The following TMEM272 variants were observed in gnomAD, a reference collection of about 807,000 sequenced individuals.
TMEM272 encodes transmembrane protein 272.
In TMEM272, 8 loss-of-function variants were observed where a neutral mutation model predicts 3.7. The observed-to-expected ratio is 2.17, with a 90% confidence interval of 1.27 to 3.91. The LOEUF is 3.91. TMEM272 is among the 30% of genes most tolerant of loss of function. The probability of loss-of-function intolerance (pLI) is 0.00; values close to 1 mark genes in which losing one functional copy is unlikely to be tolerated. For missense variants in TMEM272, 166 were observed against 91.5 expected, an observed-to-expected ratio of 1.81 and a Z score of -3.32; for synonymous variants, 63 against 39.8, an observed-to-expected ratio of 1.58 and a Z score of -2.20.
chr13:51,851,397 G>GGAA, the TMEM272 span, among the ~76,000 whole-genome samples: 30 of 141,568 alleles, frequency 2.1e-4, no homozygotes, highest in East Asian at 4.0e-4. Flanking sequence ...AGGAGGAGGA[G>GGAA]GAAGAAGAAG....
the TMEM272 span, among the ~76,000 whole-genome samples, chr13:51,900,305 C>T: frequency 1.3e-5 from 2 of 152,068 alleles, no homozygotes; most frequent in African/African-American, 4.8e-5. Flanking sequence ...AAAAGGACAA[C>T]CCAATTTAAA....
rs574905629 is a variant in TMEM272 at position 51,823,860 on chromosome 13, C to T, written c.119-1723G>A. On this transcript the variant is annotated intron_variant, in intron 3 of 4. Coordinates refer to ENST00000629372, the MANE Select transcript of TMEM272 (RefSeq NM_001351003.2). The stretch of plus-strand genomic sequence containing the variant: ...TACAGAGAGCCATAAATTCAGGGCC[C>T]AAAACAGAGTTTAGTCAAATATACA... Among the ~76,000 whole-genome samples, 19 of 152,246 alleles carry T rather than the reference C, an allele frequency of 1.2e-4. No homozygotes were observed. The South Asian group carries it at 3.7e-3, about 30-fold the overall frequency.
At chr13:51,819,046 G>A (rs1422345686) in intron 4 of TMEM272, among the ~76,000 whole-genome samples, 1 of 152,172 alleles carries the variant, frequency 6.6e-6, no homozygotes, top group Non-Finnish European at 1.5e-5. Flanking sequence ...GCCCGGCTGG[G>A]AGGCAGAACA....
At chr13:51,888,046 CTTT>C in the TMEM272 span, among the ~76,000 whole-genome samples, 183 of 141,760 alleles carry the variant, frequency 1.3e-3, no homozygotes, top group Non-Finnish European at 1.3e-3. Flanking sequence ...TTGACACAAT[CTTT>C]TTTTTTTTTT....
the TMEM272 span, among the ~76,000 whole-genome samples, chr13:51,928,018 C>T: frequency 1.8e-3 from 269 of 152,232 alleles, no homozygotes; most frequent in African/African-American, 6.1e-3. Flanking sequence ...TATTAACCTC[C>T]CCTACATTCC....
chr13:51,919,006 C>G, the TMEM272 span, among the ~76,000 whole-genome samples: 4 of 151,976 alleles, frequency 2.6e-5, no homozygotes, highest in Admixed American at 6.6e-5. Context: ...TCTCCTGGCT[C>G]TGCTCCTTTC....
chr13:51,863,173 G>C, the TMEM272 span, among the ~76,000 whole-genome samples: 6 of 152,246 alleles, frequency 3.9e-5, no homozygotes, highest in African/African-American at 1.4e-4. Flanking sequence ...AGTGCCAAGA[G>C]CTGAATAGAG....
chr13:51,927,229 A>T, the TMEM272 span, among the ~76,000 whole-genome samples: 1 of 152,206 alleles, frequency 6.6e-6, no homozygotes, highest in Admixed American at 6.5e-5. Context: ...AAATAAATAA[A>T]TAGACGATCC....
the TMEM272 span, among the ~76,000 whole-genome samples, chr13:51,870,746 CCT>C: frequency 6.6e-6 from 1 of 152,176 alleles, no homozygotes; most frequent in African/African-American, 2.4e-5. Flanking sequence ...GAGCCACCTC[CCT>C]CTCACCAAGG....
chr13:51,828,406 C>T (rs981356552), intron 2 of TMEM272, among the ~76,000 whole-genome samples: 4 of 152,208 alleles, frequency 2.6e-5, no homozygotes, highest in East Asian at 1.9e-4. Context: ...CTACCCACAG[C>T]GGGTAGGGTG....
intron 1 of TMEM272, among the ~76,000 whole-genome samples, chr13:51,841,162 G>A (rs543328889): frequency 8.9e-4 from 136 of 152,320 alleles, no homozygotes; most frequent in Middle Eastern, 3.4e-3. Flanking sequence ...GGCCCATCAC[G>A]GCTCCTAAAG....
At chr13:51,829,941 C>T (rs1956159030) in intron 2 of TMEM272, among the ~76,000 whole-genome samples, 1 of 152,182 alleles carries the variant, frequency 6.6e-6, no homozygotes, top group African/African-American at 2.4e-5. Flanking sequence ...AGAGGATGTC[C>T]TCCCTATACC....
chr13:51,871,039 G>A, the TMEM272 span, among the ~76,000 whole-genome samples: 26 of 151,682 alleles, frequency 1.7e-4, no homozygotes, highest in Non-Finnish European at 2.5e-4. Flanking sequence ...CCCAACTCCC[G>A]CCTGGCCCCC....
At chr13:51,841,144 G>T (rs1392972840) in intron 1 of TMEM272, among the ~76,000 whole-genome samples, 5 of 152,244 alleles carry the variant, frequency 3.3e-5, no homozygotes, top group African/African-American at 1.2e-4. Context: ...GTTATCTAAA[G>T]GGGCCATGGC....
the TMEM272 span, among the ~76,000 whole-genome samples, chr13:51,919,696 A>G: frequency 2.0e-5 from 3 of 152,238 alleles, no homozygotes; most frequent in African/African-American, 7.2e-5. Context: ...CCACTTCCCT[A>G]AGCAGACGTC....
the TMEM272 span, chr13:51,865,436 T>G: frequency 6.2e-7 from 1 of 1,613,244 alleles, no homozygotes; most frequent in Non-Finnish European, 8.5e-7. Context: ...GGTGAGCAGA[T>G]GGATGGGGCT....
chr13:51,921,438 A>G, the TMEM272 span: 1 of 152,236 alleles, frequency 6.6e-6, no homozygotes, highest in Non-Finnish European at 1.5e-5. Flanking sequence ...AAGGCTGCTC[A>G]TCCCAGCCTA....
At chr13:51,856,536 C>T in the TMEM272 span, among the ~76,000 whole-genome samples, 1 of 151,734 alleles carries the variant, frequency 6.6e-6, no homozygotes, top group East Asian at 1.9e-4. Flanking sequence ...CCAAAGTTAC[C>T]CAGGCTTACA....
upstream of TMEM272, among the ~76,000 whole-genome samples, chr13:51,850,118 G>T (rs1329788402): frequency 6.6e-6 from 1 of 152,130 alleles, no homozygotes; most frequent in Non-Finnish European, 1.5e-5. Context: ...TTCCCCTGGG[G>T]AAAGAAAAAC....
Sources: allele counts gnomAD v4.1 joint callset (sites outside exome capture counted in the v4.1 genomes callset), GRCh38; gene constraint gnomAD v4.1.1; transcripts MANE v1.5; gene names NCBI Gene and HGNC (gene_info 2026-07-23, HGNC 2026-07-21).